The following CDH17 variants were observed in gnomAD, a reference collection of about 807,000 sequenced individuals.
CDH17 encodes cadherin 17.
In CDH17, 67 loss-of-function variants were observed where a neutral mutation model predicts 86.3. That is an observed-to-expected ratio of 0.78 (90% confidence interval 0.64 to 0.95). The LOEUF (loss-of-function observed/expected upper bound fraction) is 0.95. CDH17 is among the 40% of genes least tolerant of loss of function. The probability of loss-of-function intolerance (pLI) is 0.00; values close to 1 mark genes in which losing one functional copy is unlikely to be tolerated. For synonymous variants in CDH17, 367 were observed against 366.4 expected, an observed-to-expected ratio of 1.00 and a Z score of -0.02; for missense variants, 993 against 1,017.6, an observed-to-expected ratio of 0.98 and a Z score of 0.33.
chr8:94,186,964 G>C, intron 3 of CDH17, among the ~76,000 whole-genome samples: 1 of 152,138 alleles, frequency 6.6e-6, no homozygotes, highest in East Asian at 1.9e-4. Flanking sequence ...CTTGACAAGT[G>C]CACACCCCCA....
upstream of CDH17, among the ~76,000 whole-genome samples, chr8:94,212,583 C>T (rs1314388516): frequency 6.6e-6 from 1 of 151,550 alleles, no homozygotes; most frequent in Non-Finnish European, 1.5e-5. Context: ...AAATGAATCA[C>T]TAGTTCTAAG....
At chr8:94,201,752 C>A (rs570194311) in intron 1 of CDH17, among the ~76,000 whole-genome samples, 21 of 152,324 alleles carry the variant, frequency 1.4e-4, no homozygotes, top group African/African-American at 5.1e-4. Flanking sequence ...GGTGGCCTCA[C>A]AGGGGGCTCT....
intron 8 of CDH17, 43 bp from the exon 9 acceptor site, chr8:94,170,590 C>A (rs1455787460): frequency 6.3e-7 from 1 of 1,591,340 alleles, no homozygotes; most frequent in African/African-American, 1.3e-5. Flanking sequence ...TCACCCACCA[C>A]CCTCTGTCAA....
chr8:94,153,974 G>T (rs1239393886), intron 12 of CDH17, among the ~76,000 whole-genome samples: 1 of 152,160 alleles, frequency 6.6e-6, no homozygotes, highest in Non-Finnish European at 1.5e-5. Context: ...TTACAACGTG[G>T]TACTATAGTT....
chr8:94,198,049 T>TAC (rs1246928433), intron 1 of CDH17, among the ~76,000 whole-genome samples: 1 of 152,080 alleles, frequency 6.6e-6, no homozygotes, highest in Non-Finnish European at 1.5e-5. Context: ...CAACTCTTGC[T>TAC]ACTGTGCTTT....
At chr8:94,131,893 G>A (rs1184114144) in intron 15 of CDH17, among the ~76,000 whole-genome samples, 1 of 152,028 alleles carries the variant, frequency 6.6e-6, no homozygotes, top group Non-Finnish European at 1.5e-5. Flanking sequence ...TGTTCTCATT[G>A]TTCAATTCCC....
intron 12 of CDH17, among the ~76,000 whole-genome samples, chr8:94,155,630 GA>G (rs1476972142): frequency 6.6e-6 from 1 of 152,200 alleles, no homozygotes; most frequent in African/African-American, 2.4e-5. Context: ...TGTATTACCA[GA>G]AGAGAACGTG....
chr8:94,150,931 TAGAGTA>T lies in CDH17; in HGVS notation c.1796+931_1796+936del, dbSNP rs139180445. 8.0e-3 allele frequency among the ~76,000 whole-genome samples: 1,216 copies of T among 152,318 alleles called. 9 individuals carry two copies. The highest frequency in any genetic ancestry group is 0.027 in the African/African-American group (1,132 of 41,568). On this transcript the variant is annotated intron_variant, in intron 13 of 17. Coordinates refer to ENST00000027335, the MANE Select transcript of CDH17 (RefSeq NM_004063.4). ...TTCTCTGTAAAACTACAGAAGTAGT[TAGAGTA>T]AAACTGCAGGTGGTAACTTTGCTTC...
At chr8:94,192,160 A>T (rs1735934370) in intron 2 of CDH17, among the ~76,000 whole-genome samples, 1 of 152,194 alleles carries the variant, frequency 6.6e-6, no homozygotes, top group Non-Finnish European at 1.5e-5. Context: ...GCGTGCTTGT[A>T]TTGGGGCAAC....
intron 7 of CDH17, among the ~76,000 whole-genome samples, 200 bp downstream of exon 7, chr8:94,173,597 A>C (rs1248456850): frequency 6.6e-6 from 1 of 152,188 alleles, no homozygotes; most frequent in Non-Finnish European, 1.5e-5. Flanking sequence ...GCCTAACATA[A>C]TATCTGCATC....
intron 12 of CDH17, among the ~76,000 whole-genome samples, chr8:94,158,065 C>T (rs1812979604): frequency 6.6e-6 from 1 of 152,140 alleles, no homozygotes; most frequent in African/African-American, 2.4e-5. Flanking sequence ...TGCTCAAGGA[C>T]AGTTATCACA....
At chr8:94,173,694 AG>A in intron 7 of CDH17, 102 bp downstream of exon 7, 1 of 848,440 alleles carries the variant, frequency 1.2e-6, no homozygotes, top group Non-Finnish European at 2.0e-6. Flanking sequence ...GCTATGAAAA[AG>A]GTATCTAATA....
upstream of CDH17, chr8:94,208,659 G>A (rs1363631367): frequency 6.6e-6 from 1 of 152,090 alleles, no homozygotes; most frequent in Non-Finnish European, 1.5e-5. Flanking sequence ...ATTGCTCTTC[G>A]AGAGCCACTG....
At chr8:94,160,210 A>G (rs772372298) in intron 11 of CDH17, 48 bp from the exon 12 acceptor site, 7 of 1,438,608 alleles carry the variant, frequency 4.9e-6, no homozygotes, top group Non-Finnish European at 1.9e-6. Flanking sequence ...TGCTGTCATC[A>G]AAGCCAAAGG....
At chr8:94,155,207 G>T (rs550785911) in intron 12 of CDH17, among the ~76,000 whole-genome samples, 2 of 152,160 alleles carry the variant, frequency 1.3e-5, no homozygotes, top group South Asian at 4.2e-4. Context: ...TCGTGACGTG[G>T]TCCAATACAC....
At chr8:94,171,074 T>C in intron 7 of CDH17, 89 bp from the exon 8 acceptor site, 1 of 1,341,468 alleles carries the variant, frequency 7.5e-7, no homozygotes, top group Non-Finnish European at 1.0e-6. Context: ...CAATTTGAAA[T>C]CTCTGACAAC....
intron 15 of CDH17, among the ~76,000 whole-genome samples, chr8:94,138,097 T>C (rs4735274): frequency 0.21 from 31,972 of 151,848 alleles, 3,850 homozygotes; most frequent in African/African-American, 0.31. Flanking sequence ...AAATTGAGAG[T>C]ACAAAAACAC....
intron 15 of CDH17, among the ~76,000 whole-genome samples, chr8:94,143,352 G>A (rs147485685): frequency 3.9e-4 from 59 of 152,324 alleles, no homozygotes; most frequent in Admixed American, 1.9e-3. Flanking sequence ...GTAAACAGAT[G>A]TGCTGTCATC....
chr8:94,209,190 A>C (rs1814083954), upstream of CDH17, among the ~76,000 whole-genome samples: 1 of 152,196 alleles, frequency 6.6e-6, no homozygotes, highest in Admixed American at 6.5e-5. Context: ...TTACCTAGGA[A>C]CAACTTATTT....
Sources: allele counts gnomAD v4.1 joint callset (sites outside exome capture counted in the v4.1 genomes callset), GRCh38; gene constraint gnomAD v4.1.1; transcripts MANE v1.5; gene names NCBI Gene and HGNC (gene_info 2026-07-23, HGNC 2026-07-21).